SLC9A6: variants seen among roughly 807,000 people sequenced by gnomAD.
SLC9A6 encodes the protein solute carrier family 9 member A6.
SLC9A6 carries 6 observed loss-of-function variants against 45.3 expected under a neutral mutation model. The observed-to-expected ratio is 0.13, with a 90% CI of 0.07 to 0.26. The LOEUF is 0.26. Ranked by LOEUF, SLC9A6 falls within the 10% of genes least tolerant of loss-of-function variation. The pLI is 1.00. For synonymous variants in SLC9A6, 191 were observed against 187.7 expected (o/e 1.02, Z -0.14); for missense variants, 278 against 503.7 (o/e 0.55, Z 4.29).
intron 16 of SLC9A6, among the ~76,000 whole-genome samples, chrX:136,035,026 G>A (rs781978040): frequency 6.3e-5 from 7 of 111,605 alleles, no homozygotes; most frequent in South Asian, 7.5e-4. Context: ...TTGAGAAAGC[G>A]TAGAATAATA....
chrX:136,010,230 C>A (rs1356175933), intron 7 of SLC9A6: 6 of 332,928 alleles, frequency 1.8e-5, no homozygotes, highest in East Asian at 1.1e-4. Flanking sequence ...TTCTACCCCC[C>A]CCCCGAAATT....
At chrX:135,997,240 G>C (rs940250681) in intron 3 of SLC9A6, among the ~76,000 whole-genome samples, 1 of 109,096 alleles carries the variant, frequency 9.2e-6, no homozygotes, top group Non-Finnish European at 1.9e-5. Context: ...ATTTTTAAAA[G>C]AGATGGGGTT....
In SLC9A6 at chrX:136,013,410, C is replaced by T; in HGVS notation, c.1053C>T (p.Ser351=). ...CACATTATACGTATAATAATTTGTC[C>T]ACGGAGTCTCAGCATAGAACTAAAC... ...TQAHYTYNNL[S]TESQHRTKQL... The change falls in exon 10 of 18, where the codon TCC becomes TCT. Residue 351 remains serine (S), a synonymous_variant. Transcript: ENST00000630721. The T allele has an allele frequency of 8.3e-7, 1 of 1,200,802 alleles. No individual in the cohort carries two copies.
chrX:135,986,993 T>C (rs187007509), intron 2 of SLC9A6, among the ~76,000 whole-genome samples: 1 of 111,369 alleles, frequency 9.0e-6, no homozygotes, highest in African/African-American at 3.3e-5. Context: ...ACAAAAGACA[T>C]TGCTCCATGC....
chrX:136,024,198 A>G (rs916739382), intron 12 of SLC9A6, 132 bp from the exon 13 acceptor site: 10 of 650,251 alleles, frequency 1.5e-5, no homozygotes, highest in Non-Finnish European at 2.2e-5. Flanking sequence ...GGACATATTT[A>G]AGTATGTTAA....
chrX:136,036,964 A>G (rs1297696451), intron 16 of SLC9A6, among the ~76,000 whole-genome samples: 2 of 112,299 alleles, frequency 1.8e-5, no homozygotes, highest in Non-Finnish European at 3.8e-5. Context: ...CCATTTATTG[A>G]AAAATATCAT....
Position 135,985,599 on chromosome X carries a change from G to A in SLC9A6, c.-56-4G>A, listed in dbSNP as rs782312727. 2 of 1,207,610 alleles carry A rather than the reference G, an allele frequency of 1.7e-6. No homozygotes were observed. The highest frequency in any genetic ancestry group is 1.1e-6 in the Non-Finnish European group (1 of 894,072). On this transcript the variant is annotated splice_region_variant and splice_polypyrimidine_tract_variant and intron_variant, in intron 1 of 17. Transcript: ENST00000630721. Reference sequence around the variant, plus strand: ...CATGCGGCCCCTTTGGTTGCTCCTCGCAGTGGGCGTCTTTGACTGGGCAGG... The same window carrying A: ...CATGCGGCCCCTTTGGTTGCTCCTCACAGTGGGCGTCTTTGACTGGGCAGG...
rs188349191 is a variant in SLC9A6, at chrX:136,036,320, T to C, written c.1661+2827T>C. On this transcript the variant is annotated intron_variant, in intron 16 of 17. Coordinates refer to ENST00000630721, the MANE Select transcript of SLC9A6 (RefSeq NM_001379110.1). ...TTTTGACCATTTAGATATCCTCTTTTGTGAAGTCTAAGTCTTTCGTCCATT... is the reference window on the plus strand; with the variant it reads ...TTTTGACCATTTAGATATCCTCTTTCGTGAAGTCTAAGTCTTTCGTCCATT... 2.7e-5 allele frequency among the ~76,000 whole-genome samples: 3 copies of C among 111,804 alleles called. No homozygotes were observed. In the East Asian group the frequency reaches 8.4e-4, roughly 31 times the overall value.
intron 2 of SLC9A6, among the ~76,000 whole-genome samples, chrX:135,991,163 C>T (rs1329602528): frequency 9.0e-6 from 1 of 111,571 alleles, no homozygotes; most frequent in Non-Finnish European, 1.9e-5. Context: ...CTACTGTTCA[C>T]GAATGAATCA....
chrX:136,010,299 T>C, intron 7 of SLC9A6, 143 bp from the exon 8 acceptor site: 1 of 531,860 alleles, frequency 1.9e-6, no homozygotes, highest in Non-Finnish European at 2.8e-6. Flanking sequence ...GATTTTTGGG[T>C]AATTTTGTCC....
At chrX:135,979,641 T>C (rs1406392389) in intron 1 of SLC9A6, among the ~76,000 whole-genome samples, 3 of 112,412 alleles carry the variant, frequency 2.7e-5, no homozygotes, top group Non-Finnish European at 3.8e-5. Flanking sequence ...TACCTCTGCA[T>C]TGGCTCTTTG....
intron 17 of SLC9A6, 51 bp downstream of exon 17, chrX:136,040,232 G>C (rs781892471): frequency 1.4e-5 from 13 of 905,432 alleles, no homozygotes. Context: ...AAATTTATCT[G>C]CTCTGTGGAT....
At chrX:136,005,693 A>C (rs969611281) in intron 7 of SLC9A6, among the ~76,000 whole-genome samples, 1 of 108,508 alleles carries the variant, frequency 9.2e-6, no homozygotes, top group African/African-American at 3.4e-5. Flanking sequence ...AAAAAAAAAA[A>C]AGAGAGAGAG....
In SLC9A6 at chrX:136,044,545, C is replaced by T; in HGVS notation, c.1861C>T (p.Pro621Ser). The change falls in exon 18 of 18, where the codon CCG becomes TCG. Residue 621 changes from proline to serine, a missense_variant. Around this residue, in one of 5 missense-constraint regions of SLC9A6, gnomAD observed 91 missense variants for 125.1 expected, o/e 0.73. Coordinates refer to ENST00000630721, the MANE Select transcript of SLC9A6 (RefSeq NM_001379110.1). ...TYGDSTVNTE[P>S]ATSSAPRRFM... ...TGGAGATTCTACTGTGAACACTGAACCGGCCACATCCAGCGCCCCAAGGAG... is the reference window on the plus strand; with the variant it reads ...TGGAGATTCTACTGTGAACACTGAATCGGCCACATCCAGCGCCCCAAGGAG... The T allele has an allele frequency of 1.7e-6, 2 of 1,210,182 alleles. No individual in the cohort carries two copies. The highest frequency in any genetic ancestry group is 2.2e-6 in the Non-Finnish European group (2 of 894,301).
intron 2 of SLC9A6, among the ~76,000 whole-genome samples, chrX:135,994,520 T>C (rs782039855): frequency 8.9e-6 from 1 of 112,096 alleles, no homozygotes; most frequent in South Asian, 3.7e-4. Flanking sequence ...TCATTACTTA[T>C]TTAAATATTG....
intron 6 of SLC9A6, among the ~76,000 whole-genome samples, chrX:136,000,203 G>C (rs532791405): frequency 1.0e-5 from 1 of 97,987 alleles, no homozygotes; most frequent in Middle Eastern, 5.2e-3. Flanking sequence ...GTGAGCTGCA[G>C]TGAGGCTGCA....
At chrX:135,975,686 G>C (rs1489302013) in intron 1 of SLC9A6, among the ~76,000 whole-genome samples, 5 of 112,247 alleles carry the variant, frequency 4.5e-5, no homozygotes, top group African/African-American at 1.3e-4. Context: ...TCTCTACAGA[G>C]AGTCCTTCCA....
chrX:135,998,710 A>G, intron 5 of SLC9A6, 146 bp from the exon 6 acceptor site: 2 of 637,935 alleles, frequency 3.1e-6, no homozygotes, highest in Non-Finnish European at 5.1e-6. Context: ...ATTTTCCTTA[A>G]GGCCAAAGTA....
chrX:135,979,716 A>T (rs2089277969), intron 1 of SLC9A6, among the ~76,000 whole-genome samples: 1 of 112,383 alleles, frequency 8.9e-6, no homozygotes, highest in Non-Finnish European at 1.9e-5. Flanking sequence ...CTCTTCAGCA[A>T]GATGACCTTT....
Sources: allele counts gnomAD v4.1 joint callset (sites outside exome capture counted in the v4.1 genomes callset), GRCh38; gene constraint gnomAD v4.1.1; regional missense constraint gnomAD v4.1.1; transcripts MANE v1.5; gene names NCBI Gene and HGNC (gene_info 2026-07-23, HGNC 2026-07-21).